Variants in ACOT12 observed in about 807,000 individuals in gnomAD.
ACOT12 encodes acetyl-coenzyme A thioesterase.
A neutral mutation model predicts 67.7 loss-of-function variants in ACOT12; 51 were observed. The observed-to-expected ratio is 0.75, with a 90% confidence interval of 0.60 to 0.95. The LOEUF (loss-of-function observed/expected upper bound fraction) is 0.95. Among genes scored for constraint, ACOT12 ranks in the 40% least tolerant of loss-of-function variants. ACOT12 has a pLI of 0.00. For missense variants in ACOT12, 734 were observed against 708.1 expected (o/e 1.04, Z -0.41); for synonymous variants, 251 against 244.6 (o/e 1.03, Z -0.24).
At chr5:81,353,851 C>T (rs1198142939) in intron 5 of ACOT12, among the ~76,000 whole-genome samples, 1 of 152,142 alleles carries the variant, frequency 6.6e-6, no homozygotes, top group Non-Finnish European at 1.5e-5. Context: ...ATATTTATAA[C>T]CAACACAAAC....
At chr5:81,352,654 TAGAA>T (rs1759588875) in intron 5 of ACOT12, among the ~76,000 whole-genome samples, 1 of 151,984 alleles carries the variant, frequency 6.6e-6, no homozygotes, top group African/African-American at 2.4e-5. Flanking sequence ...AAAATATAGT[TAGAA>T]AGAATGAATA....
intron 2 of ACOT12, among the ~76,000 whole-genome samples, chr5:81,379,626 T>C (rs1760522560): frequency 6.6e-6 from 1 of 152,170 alleles, no homozygotes; most frequent in Non-Finnish European, 1.5e-5. Context: ...ACATAGTGAC[T>C]GGCAGGATCA....
rs577627537 is a variant in ACOT12 at position 81,336,900 on chromosome 5, G to T, written c.1129-999C>A. 3.3e-5 allele frequency among the ~76,000 whole-genome samples: 5 copies of T among 152,240 alleles called. No individual in the cohort carries two copies. The East Asian group carries it at 9.6e-4, about 29-fold the overall frequency. ...GAAAATGAGAAATTAACTACAAGCT[G>T]CTCAGAAAGGAAACAAGTGATTATT... On this transcript the variant is annotated intron_variant, in intron 11 of 14. Transcript: ENST00000307624.
chr5:81,370,026 C>T (rs1430771440), intron 3 of ACOT12, among the ~76,000 whole-genome samples: 2 of 152,234 alleles, frequency 1.3e-5, no homozygotes, highest in East Asian at 1.9e-4. Flanking sequence ...CGCCTGTGAT[C>T]GATCCTAGCA....
At chr5:81,350,580 G>A (rs1759522493) in intron 5 of ACOT12, among the ~76,000 whole-genome samples, 2 of 152,164 alleles carry the variant, frequency 1.3e-5, no homozygotes, top group Non-Finnish European at 2.9e-5. Flanking sequence ...ATTCTTGGGA[G>A]CTGGCTTTAA....
chr5:81,334,681 G>A (rs1758941289), intron 12 of ACOT12, among the ~76,000 whole-genome samples: 1 of 152,214 alleles, frequency 6.6e-6, no homozygotes, highest in Non-Finnish European at 1.5e-5. Context: ...GTCAAGATTA[G>A]GAAACGCTTA....
chr5:81,344,253 TA>T, intron 8 of ACOT12, 38 bp from the exon 9 acceptor site: 2 of 1,578,042 alleles, frequency 1.3e-6, no homozygotes, highest in Non-Finnish European at 1.7e-6. Flanking sequence ...TAAAATAAAA[TA>T]AAATATCTAC....
At chr5:81,367,772 A>T (rs1464851465) in intron 3 of ACOT12, among the ~76,000 whole-genome samples, 1 of 152,196 alleles carries the variant, frequency 6.6e-6, no homozygotes, top group Non-Finnish European at 1.5e-5. Flanking sequence ...GAAGGCAGAG[A>T]TTGTTAGAAT....
intron 5 of ACOT12, among the ~76,000 whole-genome samples, chr5:81,358,384 C>T (rs958126203): frequency 1.3e-5 from 2 of 152,186 alleles, no homozygotes; most frequent in African/African-American, 4.8e-5. Context: ...ATGGTTGTCT[C>T]ACCTGCCTCA....
chr5:81,392,313 C>T (rs991258338), intron 1 of ACOT12, among the ~76,000 whole-genome samples: 2 of 152,174 alleles, frequency 1.3e-5, no homozygotes, highest in Non-Finnish European at 2.9e-5. Context: ...ATGTCCCCTG[C>T]TTATGTGGTG....
At chr5:81,328,870 A>G (rs1053438645), downstream of ACOT12, among the ~76,000 whole-genome samples, 6 of 152,246 alleles carry the variant, frequency 3.9e-5, no homozygotes, top group African/African-American at 1.4e-4. Context: ...TCATGGAAAT[A>G]TTCTATACCT....
At chr5:81,317,308 C>G in the ACOT12 span, among the ~76,000 whole-genome samples, 1 of 152,080 alleles carries the variant, frequency 6.6e-6, no homozygotes, top group African/African-American at 2.4e-5. Context: ...TCAAGACCAG[C>G]CTGGCCAACA....
At chr5:81,389,979 G>A (rs1194020047) in intron 1 of ACOT12, among the ~76,000 whole-genome samples, 1 of 144,584 alleles carries the variant, frequency 6.9e-6, no homozygotes, top group Middle Eastern at 3.3e-3. Context: ...TTTTGAGACA[G>A]GGTCTTGCTC....
intron 3 of ACOT12, among the ~76,000 whole-genome samples, chr5:81,365,206 C>T (rs1049977688): frequency 2.6e-5 from 4 of 152,154 alleles, no homozygotes; most frequent in African/African-American, 7.2e-5. Context: ...AATGAGCTAT[C>T]TCAGGCACAG....
At chr5:81,380,239 C>G (rs1760537920) in intron 2 of ACOT12, among the ~76,000 whole-genome samples, 1 of 151,872 alleles carries the variant, frequency 6.6e-6, no homozygotes, top group South Asian at 2.1e-4. Flanking sequence ...ATGCATTTAC[C>G]CTTTGACTCA....
intron 11 of ACOT12, among the ~76,000 whole-genome samples, chr5:81,338,861 C>G (rs1172924292): frequency 6.6e-6 from 1 of 152,172 alleles, no homozygotes; most frequent in Non-Finnish European, 1.5e-5. Context: ...GTGGGCAGAT[C>G]ACCTGAGGTC....
At chr5:81,311,751 C>T in the ACOT12 span, among the ~76,000 whole-genome samples, 1 of 152,164 alleles carries the variant, frequency 6.6e-6, no homozygotes, top group South Asian at 2.1e-4. Flanking sequence ...CAGTATCTGG[C>T]GATTTTCTTC....
At chr5:81,373,333 G>T (rs754035030) in intron 2 of ACOT12, among the ~76,000 whole-genome samples, 1 of 152,184 alleles carries the variant, frequency 6.6e-6, no homozygotes, top group Non-Finnish European at 1.5e-5. Context: ...GTGCACTCTG[G>T]CCCAGATACT....
At chr5:81,327,625 A>C (rs10072332), downstream of ACOT12, among the ~76,000 whole-genome samples, 1 of 151,948 alleles carries the variant, frequency 6.6e-6, no homozygotes, top group Non-Finnish European at 1.5e-5. Flanking sequence ...ATTTTTAGTA[A>C]AGACGGGGTT....
Sources: allele counts gnomAD v4.1 joint callset (sites outside exome capture counted in the v4.1 genomes callset), GRCh38; gene constraint gnomAD v4.1.1; transcripts MANE v1.5; gene names NCBI Gene and HGNC (gene_info 2026-07-23, HGNC 2026-07-21).